Variants in PTPDC1 observed in about 807,000 individuals in gnomAD.
The protein encoded by PTPDC1 is protein tyrosine phosphatase domain containing 1.
Under a neutral mutation model 75.3 loss-of-function variants are expected in PTPDC1, and 53 were observed. The ratio of observed to expected loss-of-function variants is 0.70; its 90% confidence interval spans 0.56 to 0.88. The LOEUF is 0.88. Among genes scored for constraint, PTPDC1 ranks in the 40% least tolerant of loss-of-function variants. The probability of loss-of-function intolerance (pLI) is 0.00; values close to 1 mark genes in which losing one functional copy is unlikely to be tolerated. For missense variants in PTPDC1, 925 were observed against 998.6 expected (o/e 0.93, Z 0.99); for synonymous variants, 349 against 366.2 (o/e 0.95, Z 0.54).
intron 2 of PTPDC1, among the ~76,000 whole-genome samples, chr9:94,077,596 T>C (rs1826737036): frequency 6.6e-6 from 1 of 152,198 alleles, no homozygotes; most frequent in African/African-American, 2.4e-5. Flanking sequence ...TGACATATGG[T>C]GGAAGAGGCA....
exon 1 of PTPDC1, chr9:94,030,906 C>A (rs994508600): frequency 2.6e-5 from 4 of 152,182 alleles, no homozygotes; most frequent in Non-Finnish European, 4.4e-5. Flanking sequence ...TGGGCTGGGA[C>A]CCCTCTGCCT....
intron 2 of PTPDC1, among the ~76,000 whole-genome samples, 196 bp downstream of exon 2, chr9:94,085,618 AAAT>A (rs1460942622): frequency 2.0e-5 from 3 of 152,246 alleles, no homozygotes; most frequent in Admixed American, 2.0e-4. Flanking sequence ...TGTAAGGTGG[AAAT>A]AATAAAACCA....
At chr9:94,089,229 C>T (rs1417876962) in intron 4 of PTPDC1, among the ~76,000 whole-genome samples, 9 of 117,604 alleles carry the variant, frequency 7.7e-5, no homozygotes, top group African/African-American at 2.3e-4. Flanking sequence ...TCCCTCCCCC[C>T]TCCCCCCACC....
chr9:94,038,321 C>T (rs1197163353), intron 1 of PTPDC1: 15 of 659,264 alleles, frequency 2.3e-5, no homozygotes, highest in Non-Finnish European at 3.3e-5. Context: ...GATAGCTTAT[C>T]TCAAAAAAAG....
chr9:94,093,256 A>C (rs1430493554), intron 4 of PTPDC1, among the ~76,000 whole-genome samples: 2 of 150,284 alleles, frequency 1.3e-5, no homozygotes, highest in Non-Finnish European at 1.5e-5. Context: ...TGCTTCCTTC[A>C]GGAGCTCTTT....
At chr9:94,095,887 C>G (rs1371748050) in intron 5 of PTPDC1, among the ~76,000 whole-genome samples, 2 of 152,078 alleles carry the variant, frequency 1.3e-5, no homozygotes, top group Non-Finnish European at 2.9e-5. Context: ...ATTTTAAAGT[C>G]TTTAGCAACA....
chr9:94,096,957 C>T (rs1827594560), intron 5 of PTPDC1, among the ~76,000 whole-genome samples: 2 of 152,114 alleles, frequency 1.3e-5, no homozygotes, highest in African/African-American at 4.8e-5. Flanking sequence ...GATTTGCTTT[C>T]TTCTGATGGA....
In PTPDC1 at chr9:94,098,031, A is replaced by C; in HGVS notation, c.1465A>C (p.Ile489Leu). 6.2e-7 allele frequency: 1 copy of C among 1,614,190 alleles called. No homozygotes were observed. Among genetic ancestry groups the C allele is most frequent in the Non-Finnish European group, 8.5e-7 (1 of 1,180,042 alleles). The change falls in exon 6 of 9, where the codon ATC becomes CTC. Residue 489 changes from isoleucine (I) to leucine (L), a missense_variant. Ile to Leu is a conservative substitution (Grantham distance 5). Coordinates refer to ENST00000620992, the MANE Select transcript of PTPDC1 (RefSeq NM_001253829.2). Reference protein sequence around the residue: ...RQQKLISHCYIPQSPEPDLHK... With the variant: ...RQQKLISHCYLPQSPEPDLHK... ...GCAGAAGCTCATAAGCCATTGTTAC[A>C]TCCCACAGTCTCCAGAACCAGACTT...
Position 94,097,769 on chromosome 9 carries a change from T to A in PTPDC1, c.1203T>A (p.Pro401=). ...ATGACAGTGATGTGTCCAACCCGCCTAACCCCACTGCAGTGGCAGCAGATT... is the reference window on the plus strand; with the variant it reads ...ATGACAGTGATGTGTCCAACCCGCCAAACCCCACTGCAGTGGCAGCAGATT... The part of the protein sequence containing the change: ...LRHDSDVSNP[P]NPTAVAADFD... The change falls in exon 6 of 9, where the codon CCT becomes CCA. Residue 401 remains proline, a synonymous_variant. Coordinates refer to ENST00000620992, the MANE Select transcript of PTPDC1 (RefSeq NM_001253829.2). 1 of 1,614,104 alleles carries A rather than the reference T, an allele frequency of 6.2e-7. No homozygotes were observed. The highest frequency in any genetic ancestry group is 2.2e-5 in the East Asian group (1 of 44,880).
At chr9:94,077,247 G>A (rs925420510) in intron 2 of PTPDC1, among the ~76,000 whole-genome samples, 6 of 152,122 alleles carry the variant, frequency 3.9e-5, no homozygotes, top group African/African-American at 9.7e-5. Flanking sequence ...CCAGATGTGC[G>A]GGGTTTTTTC....
Position 94,055,433 on chromosome 9 carries a change from T to C in PTPDC1, c.-6-9301T>C, listed in dbSNP as rs138373061. Among the ~76,000 whole-genome samples the C allele has an allele frequency of 9.5e-4, 144 of 152,376 alleles. 1 individual carries two copies. Among genetic ancestry groups the C allele is most frequent in the Non-Finnish European group, 3.7e-4 (25 of 68,038 alleles). On this transcript the variant is annotated intron_variant, in intron 1 of 9. Coordinates refer to the PTPDC1 transcript ENST00000375360. ...GGTTTTGTTCATCATTGCTTAAACTTGGAAGCAACCAAGATGTGCTTCAAT... is the reference window on the plus strand; with the variant it reads ...GGTTTTGTTCATCATTGCTTAAACTCGGAAGCAACCAAGATGTGCTTCAAT...
rs1050441627 is a variant in PTPDC1, at chr9:94,046,845, C to T, written c.-7+15718C>T. Among the ~76,000 whole-genome samples the T allele has an allele frequency of 2.6e-3, 401 of 152,300 alleles. 3 individuals are homozygous for T. The highest frequency in any genetic ancestry group is 4.5e-3 in the Non-Finnish European group (305 of 68,032). Reference sequence around the variant, plus strand: ...AATTGAATACCCTTTATTTCCTTCTCCTGCCTGATTGCCCAGGCCAGAACT... The same window carrying T: ...AATTGAATACCCTTTATTTCCTTCTTCTGCCTGATTGCCCAGGCCAGAACT... On this transcript the variant is annotated intron_variant, in intron 1 of 9. Coordinates refer to the PTPDC1 transcript ENST00000375360.
intron 1 of PTPDC1, among the ~76,000 whole-genome samples, chr9:94,056,497 A>G (rs1411547157): frequency 1.3e-5 from 2 of 152,170 alleles, no homozygotes; most frequent in Non-Finnish European, 1.5e-5. Context: ...TTTCATTTCC[A>G]CAAGCACCCT....
rs1422823560 is a variant in PTPDC1 at position 94,108,613 on chromosome 9, T to C, written c.*669T>C. On this transcript the variant is annotated 3_prime_UTR_variant, in exon 9 of 9. Coordinates refer to ENST00000620992, the MANE Select transcript of PTPDC1 (RefSeq NM_001253829.2). ...TTTTGCTTGTAGAAAGTAGACTTGC[T>C]CTTTGTCAGATTTCCAAACAACCTT... 1 of 152,264 alleles carries C rather than the reference T, an allele frequency of 6.6e-6. No homozygotes were observed. Among genetic ancestry groups the C allele is most frequent in the Non-Finnish European group, 1.5e-5 (1 of 68,070 alleles). 9.4% of individuals were successfully genotyped at this position (152,264 alleles called of 1,614,324 possible).
chr9:94,083,630 G>C (rs952386174), upstream of PTPDC1, among the ~76,000 whole-genome samples: 5 of 152,144 alleles, frequency 3.3e-5, no homozygotes, highest in African/African-American at 1.2e-4. Context: ...TGCACTTTCT[G>C]TTTTCTTTAT....
chr9:94,101,226 G>C (rs1457175397), intron 6 of PTPDC1: 1 of 186,178 alleles, frequency 5.4e-6, no homozygotes, highest in East Asian at 1.3e-4. Context: ...CTTGTGAACT[G>C]TTTCTGTGGT....
chr9:94,047,855 A>G (rs1825662017), intron 1 of PTPDC1, among the ~76,000 whole-genome samples: 1 of 152,214 alleles, frequency 6.6e-6, no homozygotes. Context: ...ACATCCTCCC[A>G]AGACTAAACC....
rs1292752141 is a variant in PTPDC1 at position 94,090,909 on chromosome 9, G to A, written c.616+2646G>A. Among the ~76,000 whole-genome samples the A allele has an allele frequency of 4.0e-5, 6 of 151,346 alleles. No individual in the cohort carries two copies. The East Asian group carries it at 9.7e-4, about 24-fold the overall frequency. Reference sequence around the variant, plus strand: ...CTGTTGTTGGTGTATAAGAATGCTTGTGATTTTTGTACATTGATTTTGTAT... The same window carrying A: ...CTGTTGTTGGTGTATAAGAATGCTTATGATTTTTGTACATTGATTTTGTAT... On this transcript the variant is annotated intron_variant, in intron 4 of 8. Transcript: ENST00000620992.
chr9:94,079,714 C>A (rs577908901), upstream of PTPDC1, among the ~76,000 whole-genome samples: 1 of 152,164 alleles, frequency 6.6e-6, no homozygotes, highest in Non-Finnish European at 1.5e-5. Flanking sequence ...CTTCAGAATT[C>A]TCTGTTTTTA....
Sources: allele counts gnomAD v4.1 joint callset (sites outside exome capture counted in the v4.1 genomes callset), GRCh38; gene constraint gnomAD v4.1.1; transcripts MANE v1.5; gene names NCBI Gene and HGNC (gene_info 2026-07-23, HGNC 2026-07-21).